RNF207: variants seen among roughly 807,000 people sequenced by gnomAD.
RNF207 encodes OTTHUMG00000001089.
RNF207 carries 72 observed loss-of-function variants against 79.0 expected under a neutral mutation model. The ratio of observed to expected loss-of-function variants is 0.91; its 90% confidence interval spans 0.75 to 1.11. The LOEUF (loss-of-function observed/expected upper bound fraction) is 1.11, where lower values mean the gene tolerates loss of function less well. Among genes scored for constraint, RNF207 ranks in the 50% least tolerant of loss-of-function variants. The pLI, the probability that RNF207 is intolerant of heterozygous loss-of-function variation, is 0.00. For synonymous variants in RNF207, 348 were observed against 366.2 expected, an observed-to-expected ratio of 0.95 and a Z score of 0.57; for missense variants, 936 against 855.8, an observed-to-expected ratio of 1.09 and a Z score of -1.17.
chr1:6,207,113 A>C lies in RNF207; in HGVS notation c.192-266A>C, dbSNP rs1667939112. ...CCCAGGAGTGGCTCTGATTTGCCCA[A>C]TGCCGTGAGAAGATGTCGAGGAGCA... On this transcript the variant is annotated intron_variant, in intron 2 of 17. Transcript: ENST00000377939. The surrounding 1 kb of genome is among the most constrained non-coding windows in gnomAD (Gnocchi z 4.5). Among the ~76,000 whole-genome samples, 4 of 152,204 alleles carry C rather than the reference A, an allele frequency of 2.6e-5. 1 individual carries two copies. The South Asian group carries it at 8.3e-4, about 31-fold the overall frequency.
rs1020174665 is a variant in RNF207, at chr1:6,219,230, C to T, written c.1734-6C>T. The T allele has an allele frequency of 6.2e-7, 1 of 1,604,788 alleles. No individual in the cohort carries two copies. Among genetic ancestry groups the T allele is most frequent in the Non-Finnish European group, 8.5e-7 (1 of 1,175,382 alleles). ...GGGCTGGGCTTACATGAGGCTGTCC[C>T]TTTAGGAATAATCCAGGAAGTGTCC... On this transcript the variant is annotated splice_region_variant and splice_polypyrimidine_tract_variant and intron_variant, in intron 17 of 17. Coordinates refer to ENST00000377939, the MANE Select transcript of RNF207 (RefSeq NM_207396.3).
At position 6,206,914 on chromosome 1, in the gene RNF207, A is replaced by G. The variant is rs74836533; in HGVS notation, c.191+188A>G. Among the ~76,000 whole-genome samples, 4,104 of 152,212 alleles carry G rather than the reference A, an allele frequency of 0.027. 191 individuals are homozygous for G. The highest frequency in any genetic ancestry group is 0.093 in the African/African-American group (3,862 of 41,524). ...TTGCAGGCTTCGGTCCATTTTATAGATCAGCTTAACTGAAGCCTGGAGATT... is the reference window on the plus strand; with the variant it reads ...TTGCAGGCTTCGGTCCATTTTATAGGTCAGCTTAACTGAAGCCTGGAGATT... On this transcript the variant is annotated intron_variant, in intron 2 of 17. Transcript: ENST00000377939.
rs371105523 is a variant in RNF207, at chr1:6,206,743, T to C, written c.191+17T>C. 245 of 1,595,762 alleles carry C rather than the reference T, an allele frequency of 1.5e-4. No individual in the cohort carries two copies. Among genetic ancestry groups the C allele is most frequent in the Non-Finnish European group, 2.0e-4 (238 of 1,178,016 alleles). On this transcript the variant is annotated intron_variant, in intron 2 of 17. Coordinates refer to ENST00000377939, the MANE Select transcript of RNF207 (RefSeq NM_207396.3). Reference sequence around the variant, plus strand: ...GCTGTGCCAGTAAGTGTCCCAAAGTTCCCCAAAACCCCCCAGACCCCATCC... The same window carrying C: ...GCTGTGCCAGTAAGTGTCCCAAAGTCCCCCAAAACCCCCCAGACCCCATCC...
rs372120591 is a variant in RNF207, at chr1:6,212,380, C to T, written c.1446C>T (p.His482=). Residue 482 remains histidine, a synonymous_variant, in exon 14 of 18, where the codon CAC becomes CAT. Coordinates refer to ENST00000377939, the MANE Select transcript of RNF207 (RefSeq NM_207396.3). The part of the protein sequence containing the change: ...LQLDVQIASE[H]ASLEGMRVVF... ...TGGACGTGCAGATCGCCTCGGAGCACGCCTCCTTAGAGGGCATGAGGGTCG... is the reference window on the plus strand; with the variant it reads ...TGGACGTGCAGATCGCCTCGGAGCATGCCTCCTTAGAGGGCATGAGGGTCG... 155 of 1,613,136 alleles carry T rather than the reference C, an allele frequency of 9.6e-5. No individual in the cohort carries two copies. Among genetic ancestry groups the T allele is most frequent in the Non-Finnish European group, 1.2e-4 (137 of 1,179,616 alleles).
Position 6,208,870 on chromosome 1 carries a change from T to G in RNF207, c.325-11T>G. ...GGCTCTGGCGCTCCTGAGCCCGCGC[T>G]CGGCCCGCAGGACGTGGAGACCACG... On this transcript the variant is annotated splice_polypyrimidine_tract_variant and intron_variant, in intron 3 of 17. Coordinates refer to ENST00000377939, the MANE Select transcript of RNF207 (RefSeq NM_207396.3). 1 of 1,522,830 alleles carries G rather than the reference T, an allele frequency of 6.6e-7. No homozygotes were observed. Among genetic ancestry groups the G allele is most frequent in the Non-Finnish European group, 8.8e-7 (1 of 1,140,740 alleles). 94.3% of individuals were successfully genotyped at this position (1,522,830 alleles called of 1,614,324 possible). A position where few individuals can be genotyped will look rare whatever the true frequency, so the allele number is the denominator to read the frequency against.
chr1:6,212,316 C>T lies in RNF207; in HGVS notation c.1382C>T (p.Ala461Val), dbSNP rs529635624. The T allele has an allele frequency of 8.6e-5, 139 of 1,613,962 alleles. No homozygotes were observed. Among genetic ancestry groups the T allele is most frequent in the South Asian group, 4.2e-4 (38 of 91,070 alleles). ...ACCAAGCACCACTCGCTCATCAAGG[C>T]GGAGATCATGGGAGACGTCCTGCAC... ...DLTKHHSLIK[A>V]EIMGDVLHKS... Residue 461 changes from alanine to valine, a missense_variant, in exon 14 of 18, where the codon GCG (alanine) becomes GTG (valine). By Grantham distance (64) the Ala-to-Val change is moderately conservative. Coordinates refer to ENST00000377939, the MANE Select transcript of RNF207 (RefSeq NM_207396.3).
chr1:6,210,571 C>A, intron 10 of RNF207, 133 bp downstream of exon 10: 1 of 678,192 alleles, frequency 1.5e-6, no homozygotes, highest in Non-Finnish European at 2.5e-6. Flanking sequence ...GACCCCCTCC[C>A]AACTCCATCA....
At chr1:6,214,551 T>C (rs1668292968) in intron 16 of RNF207, among the ~76,000 whole-genome samples, 1 of 146,164 alleles carries the variant, frequency 6.8e-6, no homozygotes. Context: ...TACAGGTGCG[T>C]GCCAACACGC....
In RNF207 at chr1:6,207,584, A is replaced by G. The variant is rs1258453547; in HGVS notation, c.324+73A>G. ...CACAGTCCCCAATGCTTGCACATGC[A>G]CTCAGCATGTCTTCAGAGGACGACC... is the stretch of plus-strand genomic sequence containing the variant. On this transcript the variant is annotated intron_variant, in intron 3 of 17. Coordinates refer to ENST00000377939, the MANE Select transcript of RNF207 (RefSeq NM_207396.3). This position sits in a 1 kb window ranked among gnomAD's most constrained non-coding sequence, Gnocchi z 4.5. The G allele has an allele frequency of 6.8e-7, 1 of 1,468,500 alleles. No individual in the cohort carries two copies. Among genetic ancestry groups the G allele is most frequent in the Admixed American group, 2.0e-5 (1 of 51,232 alleles). 91.0% of individuals were successfully genotyped at this position (1,468,500 alleles called of 1,614,324 possible).
Position 6,212,915 on chromosome 1 carries a change from T to C in RNF207, c.1535-151T>C, listed in dbSNP as rs957201294. ...ATGATGCATGTGAGGTCAGGATTCA[T>C]TGAGTAGAATGCCCCCACCAAGTGC... is the stretch of plus-strand genomic sequence containing the variant. On this transcript the variant is annotated intron_variant, in intron 15 of 17. Transcript: ENST00000377939. The C allele has an allele frequency of 5.2e-6, 4 of 762,122 alleles. No homozygotes were observed. The Admixed American group carries it at 7.9e-5, about 15-fold the overall frequency. 47.2% of individuals were successfully genotyped at this position (762,122 alleles called of 1,614,324 possible).
chr1:6,209,162 CTGT>C lies in RNF207; in HGVS notation c.521_523del (p.Leu174del). The C allele has an allele frequency of 6.4e-7, 1 of 1,557,706 alleles. No homozygotes were observed. Among genetic ancestry groups the C allele is most frequent in the Non-Finnish European group, 8.7e-7 (1 of 1,150,248 alleles). Reference sequence around the variant, plus strand: ...CTTGTTCTCCACCGACAAGAAGTTGCTGTTGTGCATCCGCTGCTTCCGCGACAT... The same window carrying C: ...CTTGTTCTCCACCGACAAGAAGTTGCTGTGCATCCGCTGCTTCCGCGACAT... On this transcript the variant is annotated inframe_deletion, in exon 5 of 18. Transcript: ENST00000377939.
chr1:6,210,142 C>T (rs78257181), intron 8 of RNF207, 81 bp from the exon 9 acceptor site: 51 of 1,386,668 alleles, frequency 3.7e-5, no homozygotes, highest in African/African-American at 1.4e-4. Context: ...GACGGACATG[C>T]GAAGCTGGAG....
Position 6,219,310 on chromosome 1 carries a change from G to C in RNF207, c.1808G>C (p.Gly603Ala), listed in dbSNP as rs846111. ...EPKGNSWAPNGLSEEPLLKNM... is the reference protein window; with the variant it reads ...EPKGNSWAPNALSEEPLLKNM... ...AAAGGAAACAGCTGGGCTCCGAACG[G>C]CCTCTCAGAAGAGCCTCTACTGAAA... The change falls in exon 18 of 18, where the codon GGC (glycine) becomes GCC (alanine). Residue 603 changes from glycine to alanine, a missense_variant. By Grantham distance (60) the Gly-to-Ala change is moderately conservative. Transcript: ENST00000377939. 411,115 of 1,612,148 alleles carry C rather than the reference G, an allele frequency of 0.26. 55,343 individuals carry two copies. The highest frequency in any genetic ancestry group is 0.29 in the South Asian group (26,608 of 90,846).
At chr1:6,209,574 C>A in intron 7 of RNF207, 35 bp downstream of exon 7, 3 of 1,433,172 alleles carry the variant, frequency 2.1e-6, no homozygotes, top group Non-Finnish European at 2.7e-6. Context: ...AACGACCCAG[C>A]CGGGACCTGG....
Position 6,207,463 on chromosome 1 carries a change from C to T in RNF207, c.276C>T (p.Gly92=), listed in dbSNP as rs58587405. The change falls in exon 3 of 18, where the codon GGC becomes GGT. Residue 92 remains glycine (G), a synonymous_variant. Coordinates refer to ENST00000377939, the MANE Select transcript of RNF207 (RefSeq NM_207396.3). This position sits in a 1 kb window ranked among gnomAD's most constrained non-coding sequence, Gnocchi z 4.5. ...TCCTGGTGGACAGCTCAGGGGATGG[C>T]GTGGAGGCGGTGCGCTGTGCCAACT... ...LQFLVDSSGD[G]VEAVRCANCD... The T allele has an allele frequency of 5.2e-3, 8,300 of 1,584,568 alleles. 341 individuals carry two copies. In the African/African-American group the frequency reaches 0.094, roughly 18 times the overall value.
At chr1:6,212,441 C>G in intron 14 of RNF207, 25 bp downstream of exon 14, 1 of 1,584,994 alleles carries the variant, frequency 6.3e-7, no homozygotes, top group Non-Finnish European at 8.6e-7. Context: ...GACTCTAACT[C>G]CAGCCCCACC....
In RNF207 at chr1:6,209,477, G is replaced by A; in HGVS notation, c.691G>A (p.Glu231Lys). The A allele has an allele frequency of 1.3e-6, 2 of 1,497,906 alleles. No individual in the cohort carries two copies. Among genetic ancestry groups the A allele is most frequent in the Non-Finnish European group, 1.8e-6 (2 of 1,131,014 alleles). The allele number at this position is 1,497,906 out of a possible 1,614,324, so 92.8% of individuals were successfully genotyped here. A position where few individuals can be genotyped will look rare whatever the true frequency, so the allele number is the denominator to read the frequency against. ...CGCGCTGCTGCAGGCCATGGTGGAGGAGGTGCGGCACAGCGCCGCCGAGGA... is the reference window on the plus strand; with the variant it reads ...CGCGCTGCTGCAGGCCATGGTGGAGAAGGTGCGGCACAGCGCCGCCGAGGA... ...AIALLQAMVE[E>K]VRHSAAEEED... The change falls in exon 7 of 18, where the codon GAG (glutamate) becomes AAG (lysine). Residue 231 changes from glutamate to lysine, a missense_variant. Coordinates refer to ENST00000377939, the MANE Select transcript of RNF207 (RefSeq NM_207396.3).
intron 17 of RNF207, 65 bp from the exon 18 acceptor site, chr1:6,219,171 A>G (rs1448099099): frequency 1.4e-6 from 2 of 1,459,322 alleles, no homozygotes; most frequent in African/African-American, 1.4e-5. Flanking sequence ...GCCCAAGTGG[A>G]TTTTAGTGCA....
rs1423401073 is a variant in RNF207 at position 6,220,137 on chromosome 1, A to AC, written c.*733dup. 6.6e-6 allele frequency: 1 copy of AC among 152,106 alleles called. No homozygotes were observed. Among genetic ancestry groups the AC allele is most frequent in the Non-Finnish European group, 1.5e-5 (1 of 68,030 alleles). The allele number at this position is 152,106 out of a possible 1,614,324, so 9.4% of individuals were successfully genotyped here. A position where few individuals can be genotyped will look rare whatever the true frequency, so the allele number is the denominator to read the frequency against. ...AAGGTAATCATTTGTCAAGAGTAAA[A>AC]CCCAGAAGCTCTGACAGGCCATAAT... On this transcript the variant is annotated 3_prime_UTR_variant, in exon 18 of 18. Coordinates refer to ENST00000377939, the MANE Select transcript of RNF207 (RefSeq NM_207396.3).
Sources: allele counts gnomAD v4.1 joint callset (sites outside exome capture counted in the v4.1 genomes callset), GRCh38; gene constraint gnomAD v4.1.1; non-coding constraint Gnocchi (gnomAD v3.1); transcripts MANE v1.5; gene names NCBI Gene and HGNC (gene_info 2026-07-23, HGNC 2026-07-21).